The following PAN2 variants were observed in gnomAD, a reference collection of about 807,000 sequenced individuals.
PAN2 encodes the protein PAN2-PAN3 deadenylation complex catalytic subunit PAN2.
Under a neutral mutation model 133.3 loss-of-function variants are expected in PAN2, and 68 were observed. The observed-to-expected ratio is 0.51, with a 90% CI of 0.42 to 0.62. The LOEUF (loss-of-function observed/expected upper bound fraction) is 0.62. Among genes scored for constraint, PAN2 ranks in the 20% least tolerant of loss-of-function variants. PAN2 has a pLI of 0.00. For synonymous variants in PAN2, 462 were observed against 544.6 expected (o/e 0.85, Z 2.11); for missense variants, 1,042 against 1,500.5 (o/e 0.69, Z 5.05).
chr12:56,328,270 T>A lies in PAN2; in HGVS notation c.541A>T (p.Ile181Phe). Reference sequence around the variant, plus strand: ...GTCTCCTGGACAGTGTTAAGATCAATCTCTATTATGTGATTCTGCAGCCCA... The same window carrying A: ...GTCTCCTGGACAGTGTTAAGATCAAACTCTATTATGTGATTCTGCAGCCCA... ...VGGLQNHIIE[I>F]DLNTVQETQK... Residue 181 changes from isoleucine (I) to phenylalanine (F), a missense_variant, in exon 4 of 26, where the codon ATT becomes TTT. Ile to Phe is a conservative substitution (Grantham distance 21, BLOSUM62 0). Around this residue, in one of 3 missense-constraint regions of PAN2, gnomAD observed 908 missense variants for 1,223.5 expected, o/e 0.74. Coordinates refer to ENST00000440411, the MANE Select transcript of PAN2 (RefSeq NM_014871.6). The A allele has an allele frequency of 1.9e-6, 3 of 1,606,988 alleles. No homozygotes were observed. Among genetic ancestry groups the A allele is most frequent in the Non-Finnish European group, 2.6e-6 (3 of 1,176,170 alleles).
rs759867021 is a variant in PAN2 at position 56,319,651 on chromosome 12, G to A, written c.3060C>T (p.Phe1020=). 1 of 1,612,470 alleles carries A rather than the reference G, an allele frequency of 6.2e-7. No homozygotes were observed. The highest frequency in any genetic ancestry group is 1.7e-5 in the Admixed American group (1 of 59,762). The part of the protein sequence containing the change: ...RGQGPNEGIP[F]IDDYISTQEQ... ...CCTGGGTAGAGATGTAGTCATCAAT[G>A]AAGGGGATACCCTCATTGGGTCCCT... The change falls in exon 22 of 26, where the codon TTC becomes TTT. Residue 1020 remains phenylalanine, a synonymous_variant. Coordinates refer to ENST00000440411, the MANE Select transcript of PAN2 (RefSeq NM_014871.6). The surrounding 1 kb of genome is among the most constrained non-coding windows in gnomAD (Gnocchi z 5.4).
chr12:56,323,083 C>T lies in PAN2; in HGVS notation c.2472G>A (p.Trp824Ter). 6.2e-7 allele frequency: 1 copy of T among 1,614,170 alleles called. No homozygotes were observed. Among genetic ancestry groups the T allele is most frequent in the Non-Finnish European group, 8.5e-7 (1 of 1,180,036 alleles). ...CAACCTGCATCTCATCCCCATCAGT[C>T]CAATTGCAAACATCCAGCCCTTTGT... is the stretch of plus-strand genomic sequence containing the variant. Reference protein sequence around the residue: ...TKNKGLDVCNWTDGDEMQWGP... With the variant: ...TKNKGLDVCN The change falls in exon 17 of 26, where the codon TGG becomes TGA. Residue 824 changes from tryptophan (W) to a stop codon, truncating the protein, a stop_gained. Transcript: ENST00000440411. LOFTEE classifies it high-confidence loss of function.
At chr12:56,332,652 C>A (rs1876042853) in intron 2 of PAN2, 161 bp downstream of exon 2, 6 of 565,994 alleles carry the variant, frequency 1.1e-5, no homozygotes, top group East Asian at 6.6e-5. Flanking sequence ...ATGTCATTTA[C>A]TCCTAGATCC....
rs983720616 is a variant in PAN2 at position 56,326,608 on chromosome 12, G to T, written c.1262+9C>A. On this transcript the variant is annotated intron_variant, in intron 7 of 25. Coordinates refer to ENST00000440411, the MANE Select transcript of PAN2 (RefSeq NM_014871.6). The stretch of plus-strand genomic sequence containing the variant: ...CCTCCCGCCTTTTGGCCCAGAGGTA[G>T]GGTACAACCTGGGAGCTGGAGCAGA... The T allele has an allele frequency of 1.9e-6, 3 of 1,605,762 alleles. No individual in the cohort carries two copies. The African/African-American group carries it at 4.0e-5, about 21-fold the overall frequency.
At position 56,333,150 on chromosome 12, in the gene PAN2, G is replaced by T. The variant is rs1876098922; in HGVS notation, c.-56C>A. The T allele has an allele frequency of 6.3e-7, 1 of 1,575,738 alleles. No individual in the cohort carries two copies. Among genetic ancestry groups the T allele is most frequent in the African/African-American group, 1.3e-5 (1 of 74,256 alleles). On this transcript the variant is annotated 5_prime_UTR_variant, in exon 2 of 26. Coordinates refer to ENST00000440411, the MANE Select transcript of PAN2 (RefSeq NM_014871.6). ...ACCCTCCCTTACCACAGTCCCTTTA[G>T]ATGCCTGACCCAACCTTCAGCAAGA... is the stretch of plus-strand genomic sequence containing the variant.
chr12:56,318,206 C>G, intron 25 of PAN2, 31 bp downstream of exon 25: 1 of 1,572,448 alleles, frequency 6.4e-7, no homozygotes, highest in Non-Finnish European at 8.8e-7. Context: ...TCCACCCAGT[C>G]CAGTTTCCCT....
chr12:56,328,678 G>T, intron 2 of PAN2, 37 bp from the exon 3 acceptor site: 1 of 1,582,382 alleles, frequency 6.3e-7, no homozygotes, highest in Non-Finnish European at 8.7e-7. Flanking sequence ...ACTTAGAGTG[G>T]AGGGGCAAGG....
At chr12:56,324,798 TC>T (rs1874929367) in intron 10 of PAN2, 89 bp from the exon 11 acceptor site, 1 of 1,510,592 alleles carries the variant, frequency 6.6e-7, no homozygotes, top group Non-Finnish European at 8.9e-7. Flanking sequence ...GGAGAAAATG[TC>T]CCAGAAGCAG....
In PAN2 at chr12:56,328,218, TTC is replaced by T; in HGVS notation, c.573+18_573+19del. ...ACAACCTCAGACCCCACATAGGTCTTTCTTGCCCCAAGCTTGTACCTTCTGAG... is the reference window on the plus strand; with the variant it reads ...ACAACCTCAGACCCCACATAGGTCTTTTGCCCCAAGCTTGTACCTTCTGAG... On this transcript the variant is annotated intron_variant, in intron 4 of 25. Coordinates refer to ENST00000440411, the MANE Select transcript of PAN2 (RefSeq NM_014871.6). 1 of 1,587,630 alleles carries T rather than the reference TTC, an allele frequency of 6.3e-7. No individual in the cohort carries two copies. Among genetic ancestry groups the T allele is most frequent in the Non-Finnish European group, 8.6e-7 (1 of 1,164,344 alleles).
At chr12:56,326,140 C>T (rs1188365738) in intron 8 of PAN2, among the ~76,000 whole-genome samples, 173 bp downstream of exon 8, 3 of 152,248 alleles carry the variant, frequency 2.0e-5, no homozygotes, top group Non-Finnish European at 2.9e-5. Flanking sequence ...AACTTCCTAA[C>T]AGCAAGGACC....
At chr12:56,330,156 G>C (rs1402120504) in intron 2 of PAN2, among the ~76,000 whole-genome samples, 1 of 151,958 alleles carries the variant, frequency 6.6e-6, no homozygotes, top group African/African-American at 2.4e-5. Flanking sequence ...CCCCTTTTTG[G>C]TGCTGCATCC....
intron 6 of PAN2, 22 bp from the exon 7 acceptor site, chr12:56,326,981 A>G: frequency 6.3e-7 from 1 of 1,591,890 alleles, no homozygotes; most frequent in Non-Finnish European, 8.6e-7. Flanking sequence ...GAAGAAACCC[A>G]CTGAGCCCTA....
rs371602522 is a variant in PAN2 at position 56,325,340 on chromosome 12, G to A, written c.1474C>T (p.Arg492Cys). Reference sequence around the variant, plus strand: ...GCCCTGATGTCCCCCAGCACCTTGCGGTATTTCTTAGAAACCATGTGGAGA... The same window carrying A: ...GCCCTGATGTCCCCCAGCACCTTGCAGTATTTCTTAGAAACCATGTGGAGA... ...PHLHMVSKKY[R>C]KVTIKYSKLG... Residue 492 changes from arginine (R) to cysteine (C), a missense_variant, in exon 9 of 26, where the codon CGC becomes TGC. Arg to Cys is a radical substitution (Grantham distance 180). Around this residue, in one of 3 missense-constraint regions of PAN2, gnomAD observed 908 missense variants for 1,223.5 expected, o/e 0.74. Transcript: ENST00000440411. 1.7e-5 allele frequency: 28 copies of A among 1,614,022 alleles called. No homozygotes were observed. The highest frequency in any genetic ancestry group is 4.5e-5 in the East Asian group (2 of 44,906).
chr12:56,331,318 G>A (rs1468173636), intron 2 of PAN2, among the ~76,000 whole-genome samples: 3 of 152,144 alleles, frequency 2.0e-5, no homozygotes, highest in Non-Finnish European at 4.4e-5. Flanking sequence ...GTAGTATCTT[G>A]GGAATCTTTG....
At chr12:56,326,495 A>C in intron 7 of PAN2, 86 bp from the exon 8 acceptor site, 1 of 1,511,534 alleles carries the variant, frequency 6.6e-7, no homozygotes, top group Admixed American at 2.2e-5. Context: ...GAGAAAAAGA[A>C]AATACTGAAG....
Position 56,319,068 on chromosome 12 carries a change from T to C in PAN2, c.3364+20A>G. The C allele has an allele frequency of 7.4e-6, 12 of 1,612,774 alleles. No individual in the cohort carries two copies. The highest frequency in any genetic ancestry group is 1.0e-5 in the Non-Finnish European group (12 of 1,178,794). Reference sequence around the variant, plus strand: ...TTCTGCTATTAATGTAGCAGGGGCCTACAAGGCAGAGCAACTCACCCAGAA... The same window carrying C: ...TTCTGCTATTAATGTAGCAGGGGCCCACAAGGCAGAGCAACTCACCCAGAA... On this transcript the variant is annotated intron_variant, in intron 24 of 25. Coordinates refer to ENST00000440411, the MANE Select transcript of PAN2 (RefSeq NM_014871.6). The surrounding 1 kb of genome is among the most constrained non-coding windows in gnomAD (Gnocchi z 5.4).
chr12:56,318,996 T>C lies in PAN2; in HGVS notation c.3364+92A>G. On this transcript the variant is annotated intron_variant, in intron 24 of 25. Coordinates refer to ENST00000440411, the MANE Select transcript of PAN2 (RefSeq NM_014871.6). ...CTTAGTATGATGGCCCACAGCTCCATCCATGTTGCCGCAAAGAACATGATT... is the reference window on the plus strand; with the variant it reads ...CTTAGTATGATGGCCCACAGCTCCACCCATGTTGCCGCAAAGAACATGATT... The C allele has an allele frequency of 4.2e-6, 5 of 1,198,990 alleles. No individual in the cohort carries two copies. In the East Asian group the frequency reaches 1.2e-4, roughly 28 times the overall value. 74.3% of individuals were successfully genotyped at this position (1,198,990 alleles called of 1,614,324 possible).
Position 56,317,408 on chromosome 12 carries a change from A to T in PAN2, c.*201T>A. On this transcript the variant is annotated 3_prime_UTR_variant, in exon 26 of 26. Transcript: ENST00000440411. The stretch of plus-strand genomic sequence containing the variant: ...TACCACTGTTTTGCAAAGAATGAAG[A>T]AGGAATGAATCTGGCTCCTAGAACC... 5.0e-6 allele frequency: 3 copies of T among 601,256 alleles called. No individual in the cohort carries two copies. The allele number at this position is 601,256 out of a possible 1,614,324, so 37.2% of individuals were successfully genotyped here. A position where few individuals can be genotyped will look rare whatever the true frequency, so the allele number is the denominator to read the frequency against.
chr12:56,326,538 A>G, intron 7 of PAN2, 79 bp downstream of exon 7: 2 of 1,514,388 alleles, frequency 1.3e-6, no homozygotes, highest in East Asian at 4.9e-5. Context: ...GTAGAATAAC[A>G]ACAGGGCTAG....
Sources: allele counts gnomAD v4.1 joint callset (sites outside exome capture counted in the v4.1 genomes callset), GRCh38; gene constraint gnomAD v4.1.1; regional missense constraint gnomAD v4.1.1; non-coding constraint Gnocchi (gnomAD v3.1); transcripts MANE v1.5; gene names NCBI Gene and HGNC (gene_info 2026-07-23, HGNC 2026-07-21).